The following MPRIP variants were observed in gnomAD, a reference collection of about 807,000 sequenced individuals.
The protein encoded by MPRIP is myosin phosphatase Rho-interacting protein.
Under a neutral mutation model 234.9 loss-of-function variants are expected in MPRIP, and 59 were observed. The ratio of observed to expected loss-of-function variants is 0.25; its 90% CI spans 0.20 to 0.31. The LOEUF (loss-of-function observed/expected upper bound fraction) is 0.31. Among genes scored for constraint, MPRIP ranks in the 10% least tolerant of loss-of-function variants. MPRIP has a pLI of 1.00. For missense variants in MPRIP, 2,436 were observed against 3,071.0 expected (o/e 0.79, Z 4.89); for synonymous variants, 1,144 against 1,263.9 (o/e 0.91, Z 2.01).
At chr17:17,114,663 C>T (rs1469625505) in intron 3 of MPRIP, among the ~76,000 whole-genome samples, 1 of 152,070 alleles carries the variant, frequency 6.6e-6, no homozygotes, top group Non-Finnish European at 1.5e-5. Flanking sequence ...AAAAGCTGTT[C>T]TTCCCCAGTT....
chr17:17,057,502 C>G (rs1331125909), intron 1 of MPRIP: 23 of 682,748 alleles, frequency 3.4e-5, no homozygotes, highest in Middle Eastern at 2.4e-4. Context: ...GTGCTAGGTG[C>G]TGGGAGCTGC....
At position 17,166,838 on chromosome 17, in the gene MPRIP, C is replaced by T; in HGVS notation, c.5247C>T (p.Pro1749=). ...DGVQLSWDLS[P]LGEVLGRDSD... is the part of the protein sequence containing the mutation. ...TTCAGCTGTCCTGGGACCTGAGCCCCTTAGGAGAAGTCCTGGGCCGAGACT... is the reference window on the plus strand; with the variant it reads ...TTCAGCTGTCCTGGGACCTGAGCCCTTTAGGAGAAGTCCTGGGCCGAGACT... Residue 1749 remains proline (P), a synonymous_variant, in exon 16 of 24, where the codon CCC becomes CCT. Transcript: ENST00000651222. This position sits in a 1 kb window ranked among gnomAD's most constrained non-coding sequence, Gnocchi z 4.4. 1 of 1,304,150 alleles carries T rather than the reference C, an allele frequency of 7.7e-7. No individual in the cohort carries two copies. Among genetic ancestry groups the T allele is most frequent in the Non-Finnish European group, 1.0e-6 (1 of 988,956 alleles). 80.8% of individuals were successfully genotyped at this position (1,304,150 alleles called of 1,614,324 possible). A position where few individuals can be genotyped will look rare whatever the true frequency, so the allele number is the denominator to read the frequency against.
chr17:17,096,314 T>TCA (rs1213338105), intron 3 of MPRIP, among the ~76,000 whole-genome samples: 2 of 128,132 alleles, frequency 1.6e-5, no homozygotes, highest in Non-Finnish European at 3.2e-5. Flanking sequence ...TGTGTGTGTG[T>TCA]GTGTGTGTGT....
chr17:17,147,097 T>G (rs1291348856), intron 10 of MPRIP, among the ~76,000 whole-genome samples: 1 of 152,232 alleles, frequency 6.6e-6, no homozygotes, highest in Non-Finnish European at 1.5e-5. Flanking sequence ...GCCTCTTCAC[T>G]GGAGGGTCAC....
intron 1 of MPRIP, among the ~76,000 whole-genome samples, chr17:17,075,307 G>A (rs1320275793): frequency 2.0e-5 from 3 of 152,148 alleles, no homozygotes; most frequent in Non-Finnish European, 4.4e-5. Flanking sequence ...GCCCTGTTTT[G>A]TATCTTCAGG....
intron 23 of MPRIP, chr17:17,182,398 T>TC (rs2046390808): frequency 6.6e-6 from 1 of 152,154 alleles, no homozygotes; most frequent in Admixed American, 6.6e-5. Flanking sequence ...AGAGAATGCT[T>TC]CCCTCGGGGT....
At chr17:17,057,854 A>AT in intron 1 of MPRIP, 2 of 597,076 alleles carry the variant, frequency 3.3e-6, no homozygotes, top group Non-Finnish European at 6.0e-6. Context: ...TTGCAGTAAT[A>AT]TTTTTTAATA....
At chr17:17,055,010 A>G (rs1346541407) in intron 1 of MPRIP, among the ~76,000 whole-genome samples, 3 of 151,806 alleles carry the variant, frequency 2.0e-5, no homozygotes, top group African/African-American at 4.8e-5. Flanking sequence ...AGATCACGCC[A>G]CTGCACTCCA....
rs1368017762 is a variant in MPRIP, at chr17:17,138,478, T to G, written c.1250+49T>G. The stretch of plus-strand genomic sequence containing the variant: ...AACACCCAGGCCCACACACATGCAC[T>G]TCCACCCACGCACATACACTCATAC... On this transcript the variant is annotated intron_variant, in intron 7 of 23. Coordinates refer to ENST00000651222, the MANE Select transcript of MPRIP (RefSeq NM_001364716.4). The surrounding 1 kb of genome is among the most constrained non-coding windows in gnomAD (Gnocchi z 5.8). The G allele has an allele frequency of 2.2e-5, 4 of 180,384 alleles. No individual in the cohort carries two copies. The highest frequency in any genetic ancestry group is 4.6e-5 in the Non-Finnish European group (4 of 86,920). 11.2% of individuals were successfully genotyped at this position (180,384 alleles called of 1,614,324 possible).
intron 1 of MPRIP, among the ~76,000 whole-genome samples, chr17:17,075,447 A>G (rs947582520): frequency 1.4e-4 from 21 of 151,852 alleles, no homozygotes; most frequent in African/African-American, 5.1e-4. Flanking sequence ...CTTGCAGGAG[A>G]CAGCATGTCT....
Position 17,177,351 on chromosome 17 carries a change from C to A in MPRIP, c.7059C>A (p.Leu2353=), listed in dbSNP as rs200762157. ...DCDISRLKEQ[L]KAATEALGEK... The stretch of plus-strand genomic sequence containing the variant: ...ACATCAGCAGGTTGAAGGAGCAGCT[C>A]AAGGCTGCAACGGAAGCACTGGGGG... The change falls in exon 22 of 24, where the codon CTC becomes CTA. Residue 2353 remains leucine (L), a synonymous_variant. Coordinates refer to ENST00000651222, the MANE Select transcript of MPRIP (RefSeq NM_001364716.4). The A allele has an allele frequency of 5.0e-6, 8 of 1,613,958 alleles. No homozygotes were observed. The South Asian group carries it at 8.8e-5, about 18-fold the overall frequency.
At position 17,177,247 on chromosome 17, in the gene MPRIP, A is replaced by G; in HGVS notation, c.6958-3A>G. The G allele has an allele frequency of 1.2e-6, 2 of 1,611,358 alleles. No individual in the cohort carries two copies. The highest frequency in any genetic ancestry group is 1.7e-6 in the Non-Finnish European group (2 of 1,177,902). On this transcript the variant is annotated splice_polypyrimidine_tract_variant and splice_region_variant and intron_variant, in intron 21 of 23. Transcript: ENST00000651222. ...TACCATTCTCTGTCATTTCACTCCC[A>G]AGGACAAGAAGTACGCAAGTGACAA...
At chr17:17,093,708 C>G (rs2089773826) in intron 3 of MPRIP, among the ~76,000 whole-genome samples, 1 of 152,216 alleles carries the variant, frequency 6.6e-6, no homozygotes. Flanking sequence ...AAAGAGTTTT[C>G]TGCTCCATTT....
intron 1 of MPRIP, among the ~76,000 whole-genome samples, chr17:17,066,175 A>T (rs2089019338): frequency 6.6e-6 from 1 of 152,204 alleles, no homozygotes; most frequent in Non-Finnish European, 1.5e-5. Flanking sequence ...CACTATGTTG[A>T]ATAAGAATTC....
At chr17:17,131,289 C>G (rs895572087) in intron 4 of MPRIP, among the ~76,000 whole-genome samples, 1 of 152,230 alleles carries the variant, frequency 6.6e-6, no homozygotes, top group African/African-American at 2.4e-5. Context: ...TCTGTACTCT[C>G]ACCAAGCCCA....
Position 17,166,475 on chromosome 17 carries a change from G to C in MPRIP, c.4884G>C (p.Gln1628His), listed in dbSNP as rs1312638886. ...KVLVDGEFWSQVESLRKHLGT... is the reference protein window; with the variant it reads ...KVLVDGEFWSHVESLRKHLGT... ...TAGTGGATGGTGAGTTCTGGAGCCA[G>C]GTTGAGTCTCTGAGGAAGCACTTGG... Residue 1628 changes from glutamine to histidine, a missense_variant, in exon 16 of 24, where the codon CAG becomes CAC. By Grantham distance (24) the Gln-to-His change is conservative. Around this residue, in one of 4 missense-constraint regions of MPRIP, gnomAD observed 1,998 missense variants for 2,520.3 expected, o/e 0.79. Coordinates refer to ENST00000651222, the MANE Select transcript of MPRIP (RefSeq NM_001364716.4). The surrounding 1 kb of genome is among the most constrained non-coding windows in gnomAD (Gnocchi z 4.4). 1.5e-6 allele frequency: 2 copies of C among 1,304,356 alleles called. No homozygotes were observed. Among genetic ancestry groups the C allele is most frequent in the Admixed American group, 2.3e-5 (1 of 43,580 alleles). The allele number at this position is 1,304,356 out of a possible 1,614,324, so 80.8% of individuals were successfully genotyped here.
In MPRIP at chr17:17,078,839, C is replaced by T. The variant is rs1006092924; in HGVS notation, c.267+763C>T. On this transcript the variant is annotated intron_variant, in intron 3 of 23. Transcript: ENST00000651222. The surrounding 1 kb of genome is among the most constrained non-coding windows in gnomAD (Gnocchi z 4.3). ...CAAACTTTGTAAAGGGTTGAAGATG[C>T]GAGATTTGATCGCCTTTTCCAGTTC... Among the ~76,000 whole-genome samples, 3 of 152,174 alleles carry T rather than the reference C, an allele frequency of 2.0e-5. No homozygotes were observed. Among genetic ancestry groups the T allele is most frequent in the Admixed American group, 6.5e-5 (1 of 15,282 alleles).
At position 17,042,918 on chromosome 17, in the gene MPRIP, A is replaced by G; in HGVS notation, c.70A>G (p.Asn24Asp). The G allele has an allele frequency of 6.2e-7, 1 of 1,610,984 alleles. No individual in the cohort carries two copies. Among genetic ancestry groups the G allele is most frequent in the Non-Finnish European group, 8.5e-7 (1 of 1,179,154 alleles). The change falls in exon 1 of 24, where the codon AAC becomes GAC. Residue 24 changes from asparagine (N) to aspartate (D), a missense_variant. This residue lies in a region of MPRIP where 140 missense variants were observed against 207.3 expected (regional missense o/e 0.68). Transcript: ENST00000651222. ...CATCTTCAACAAGAGCAAGTGTCAG[A>G]ACTGCTTCAAGCCCCGCGAGTCGCA... ...ANIFNKSKCQ[N>D]CFKPRESHLL... is the part of the protein sequence containing the mutation.
At chr17:17,056,783 C>T (rs1008071585) in intron 1 of MPRIP, among the ~76,000 whole-genome samples, 2 of 152,140 alleles carry the variant, frequency 1.3e-5, no homozygotes, top group Admixed American at 1.3e-4. Flanking sequence ...CAGTCACCCC[C>T]GCCTTTAGTC....
Sources: gnomAD v4.1 joint callset for allele counts (sites outside exome capture counted in the v4.1 genomes callset) on GRCh38, gnomAD v4.1.1 for gene constraint, gnomAD v4.1.1 regional missense constraint, Gnocchi (gnomAD v3.1) non-coding constraint, MANE v1.5 for transcripts, NCBI Gene and HGNC (gene_info 2026-07-23, HGNC 2026-07-21) for gene names.